IL1RAPL2: variants seen among roughly 807,000 people sequenced by gnomAD.
The protein encoded by IL1RAPL2 is X-linked interleukin-1 receptor accessory protein-like 2.
A neutral mutation model predicts 44.1 loss-of-function variants in IL1RAPL2; 3 were observed. The ratio of observed to expected loss-of-function variants is 0.07; its 90% CI spans 0.03 to 0.18. The LOEUF (loss-of-function observed/expected upper bound fraction) is 0.18, where lower values mean the gene tolerates loss of function less well. Ranked by LOEUF, IL1RAPL2 falls within the 10% of genes least tolerant of loss-of-function variation. The pLI is 1.00. For synonymous variants in IL1RAPL2, 181 were observed against 178.8 expected (o/e 1.01, Z -0.10); for missense variants, 391 against 496.4 (o/e 0.79, Z 2.02).
chrX:105,220,368 G>T lies in IL1RAPL2; in HGVS notation c.357-13450G>T, dbSNP rs368896806. 1 of 1,194,688 alleles carries T rather than the reference G, an allele frequency of 8.4e-7. No homozygotes were observed. The highest frequency in any genetic ancestry group is 3.0e-5 in the East Asian group (1 of 33,622). ...CCACCACGTTGCTATGCCGGAACCC[G>T]CTACTGGGGTCCTCAGGTCTCAAGG... On this transcript the variant is annotated intron_variant, in intron 3 of 10. Transcript: ENST00000372582.
chrX:104,839,862 A>G (rs965712969), intron 2 of IL1RAPL2, among the ~76,000 whole-genome samples: 2 of 111,541 alleles, frequency 1.8e-5, no homozygotes, highest in African/African-American at 6.5e-5. Flanking sequence ...TGGATTTTCT[A>G]TAGTATTCTC....
At chrX:104,960,671 C>T (rs1345840285) in intron 2 of IL1RAPL2, among the ~76,000 whole-genome samples, 1 of 111,075 alleles carries the variant, frequency 9.0e-6, no homozygotes, top group East Asian at 2.8e-4. Context: ...ACAACTCCTC[C>T]CCTTTCCCCA....
chrX:104,676,920 G>A (rs1194489283), intron 2 of IL1RAPL2, among the ~76,000 whole-genome samples: 2 of 111,295 alleles, frequency 1.8e-5, no homozygotes, highest in Non-Finnish European at 3.8e-5. Context: ...CATTCTTCAC[G>A]TAGTTCTCGA....
intron 7 of IL1RAPL2, among the ~76,000 whole-genome samples, chrX:105,726,102 T>C (rs979134262): frequency 3.4e-4 from 38 of 111,616 alleles, no homozygotes; most frequent in Non-Finnish European, 7.5e-5. Flanking sequence ...ATGCTCAGTC[T>C]CAACTATGTT....
intron 2 of IL1RAPL2, among the ~76,000 whole-genome samples, chrX:104,683,822 G>A (rs1352671234): frequency 8.9e-6 from 1 of 112,086 alleles, no homozygotes; most frequent in Admixed American, 9.4e-5. Flanking sequence ...GAAGAGTCTG[G>A]CTTTCCTTCT....
chrX:105,767,024 C>T lies in IL1RAPL2; in HGVS notation c.1424C>T (p.Thr475Ile). 1 of 1,208,966 alleles carries T rather than the reference C, an allele frequency of 8.3e-7. No homozygotes were observed. The change falls in exon 11 of 11, where the codon ACT becomes ATT. Residue 475 changes from threonine (T) to isoleucine (I), a missense_variant. This residue lies in a region of IL1RAPL2 where 232 missense variants were observed against 244.8 expected (regional missense o/e 0.95). Transcript: ENST00000372582. The stretch of plus-strand genomic sequence containing the variant: ...AGCAGAAGACTTATTATCGTGCTAA[C>T]TCCAGACTATATTCTCAGACGGGGA... ...EQSRRLIIVL[T>I]PDYILRRGWS...
intron 2 of IL1RAPL2, among the ~76,000 whole-genome samples, chrX:104,876,883 G>C (rs1402253939): frequency 9.3e-6 from 1 of 107,675 alleles, no homozygotes; most frequent in Admixed American, 1.0e-4. Context: ...TCCCCGCTCC[G>C]CCCACCCCAC....
At chrX:105,684,003 A>G (rs1489056745) in intron 6 of IL1RAPL2, among the ~76,000 whole-genome samples, 2 of 112,612 alleles carry the variant, frequency 1.8e-5, no homozygotes, top group Non-Finnish European at 3.7e-5. Context: ...CTTAGAAATG[A>G]TCTAGATATC....
At chrX:104,845,721 T>A (rs756371902) in intron 2 of IL1RAPL2, among the ~76,000 whole-genome samples, 110 of 112,196 alleles carry the variant, frequency 9.8e-4, no homozygotes, top group Non-Finnish European at 1.4e-3. Flanking sequence ...TGACTCTATT[T>A]GTCATGGTTT....
At chrX:104,951,660 A>G (rs1925589270) in intron 2 of IL1RAPL2, among the ~76,000 whole-genome samples, 1 of 112,621 alleles carries the variant, frequency 8.9e-6, no homozygotes. Context: ...TGGCTTTGCA[A>G]TGGAATAGAC....
At position 105,767,545 on chromosome X, in the gene IL1RAPL2, C is replaced by T; in HGVS notation, c.1945C>T (p.Leu649Phe). 9 of 1,210,068 alleles carry T rather than the reference C, an allele frequency of 7.4e-6. No homozygotes were observed. The highest frequency in any genetic ancestry group is 8.9e-6 in the Non-Finnish European group (8 of 894,008). Residue 649 changes from leucine to phenylalanine, a missense_variant, in exon 11 of 11, where the codon CTC (leucine) becomes TTC (phenylalanine). Leu to Phe is a conservative substitution (Grantham distance 22). Around this residue, in one of 2 missense-constraint regions of IL1RAPL2, gnomAD observed 232 missense variants for 244.8 expected, o/e 0.95. Coordinates refer to ENST00000372582, the MANE Select transcript of IL1RAPL2 (RefSeq NM_017416.2). The part of the protein sequence containing the change: ...HTYCNLPLTL[L>F]NGQLPLNNTL... ...TTATTGTAACCTGCCTCTGACGCTA[C>T]TCAACGGACAGCTACCCCTTAATAA...
intron 2 of IL1RAPL2, among the ~76,000 whole-genome samples, chrX:104,807,362 C>T (rs764972164): frequency 1.8e-5 from 2 of 111,230 alleles, no homozygotes; most frequent in East Asian, 5.7e-4. Context: ...TTGCAGGAAA[C>T]ATCATTTAGT....
At chrX:105,658,961 C>CAA (rs1157609868) in intron 6 of IL1RAPL2, among the ~76,000 whole-genome samples, 30 of 37,817 alleles carry the variant, frequency 7.9e-4, no homozygotes, top group African/African-American at 2.2e-3. Flanking sequence ...GACTCCGTCT[C>CAA]AAAAAAAAAA....
At chrX:104,696,065 C>T (rs1200399790) in intron 2 of IL1RAPL2, among the ~76,000 whole-genome samples, 3 of 111,748 alleles carry the variant, frequency 2.7e-5, no homozygotes, top group Non-Finnish European at 3.8e-5. Context: ...TTCTCAGCCT[C>T]CCAAAGTGCT....
At chrX:105,519,670 C>T (rs1017422214) in intron 6 of IL1RAPL2, among the ~76,000 whole-genome samples, 3 of 110,992 alleles carry the variant, frequency 2.7e-5, no homozygotes, top group Non-Finnish European at 3.8e-5. Context: ...AGTAAAGAAA[C>T]GCTAATGAAA....
intron 7 of IL1RAPL2, among the ~76,000 whole-genome samples, chrX:105,738,975 G>C (rs2038473059): frequency 9.0e-6 from 1 of 110,997 alleles, no homozygotes; most frequent in Non-Finnish European, 1.9e-5. Flanking sequence ...TTAGGGCTCA[G>C]AGCACATTAC....
chrX:105,399,730 T>C (rs760856322), intron 5 of IL1RAPL2, among the ~76,000 whole-genome samples: 10 of 111,506 alleles, frequency 9.0e-5, no homozygotes, highest in Non-Finnish European at 1.7e-4. Flanking sequence ...GAGCACCTAT[T>C]ATGTTCCAAG....
intron 5 of IL1RAPL2, among the ~76,000 whole-genome samples, chrX:105,366,802 G>C (rs912214068): frequency 1.8e-5 from 2 of 111,736 alleles, no homozygotes; most frequent in African/African-American, 6.5e-5. Flanking sequence ...TGAGAGGAAT[G>C]TGTATTTTGT....
At chrX:104,875,992 T>C (rs191139901) in intron 2 of IL1RAPL2, among the ~76,000 whole-genome samples, 2 of 111,201 alleles carry the variant, frequency 1.8e-5, no homozygotes, top group Non-Finnish European at 3.8e-5. Flanking sequence ...TTTAAAGATA[T>C]TGGCTTAAGT....
Sources: gnomAD v4.1 joint callset for allele counts (sites outside exome capture counted in the v4.1 genomes callset) on GRCh38, gnomAD v4.1.1 for gene constraint, gnomAD v4.1.1 regional missense constraint, MANE v1.5 for transcripts, NCBI Gene and HGNC (gene_info 2026-07-23, HGNC 2026-07-21) for gene names.